MRPL47: variants seen among roughly 807,000 people sequenced by gnomAD.
MRPL47 encodes the protein mitochondrial ribosomal protein L47, also known as large ribosomal subunit protein uL29m.
In MRPL47, 31 loss-of-function variants were observed where a neutral mutation model predicts 34.0. The observed-to-expected ratio is 0.91, with a 90% CI of 0.68 to 1.23. The LOEUF (loss-of-function observed/expected upper bound fraction) is 1.23. MRPL47 is among the 50% of genes most tolerant of loss of function. The pLI is 0.00. For synonymous variants in MRPL47, 106 were observed against 101.6 expected (o/e 1.04, Z -0.26); for missense variants, 328 against 285.8 (o/e 1.15, Z -1.07).
chr3:179,598,667 A>G lies in MRPL47; in HGVS notation c.402+8T>C, dbSNP rs776259242. 25 of 1,587,076 alleles carry G rather than the reference A, an allele frequency of 1.6e-5. No homozygotes were observed. In the East Asian group the frequency reaches 2.0e-4, roughly 13 times the overall value. ...GTATACCAGTCTCCAGCCTCTCCCA[A>G]TCCTTACCTTATCTAACCGCTCTGG... On this transcript the variant is annotated splice_region_variant and intron_variant, in intron 4 of 6. Transcript: ENST00000476781.
rs759059443 is a variant in MRPL47, at chr3:179,592,671, G to T, written c.602C>A (p.Ala201Asp). ...GAGAAAATGGTCCACATAAGGCAAG[G>T]CAAAGAATCGTTTCCTATTGTATCT... Reference protein sequence around the residue: ...NKRYNRKRFFALPYVDHFLRL... With the variant: ...NKRYNRKRFFDLPYVDHFLRL... The change falls in exon 6 of 7, where the codon GCC becomes GAC. Residue 201 changes from alanine (A) to aspartate (D), a missense_variant. Coordinates refer to ENST00000476781, the MANE Select transcript of MRPL47 (RefSeq NM_020409.3). 1 of 1,613,216 alleles carries T rather than the reference G, an allele frequency of 6.2e-7. No homozygotes were observed. The highest frequency in any genetic ancestry group is 8.5e-7 in the Non-Finnish European group (1 of 1,179,236).
At chr3:179,598,396 T>TCACACACACACACACA (rs1718839618) in intron 4 of MRPL47, among the ~76,000 whole-genome samples, 5 of 32,538 alleles carry the variant, frequency 1.5e-4, no homozygotes, top group Admixed American at 3.3e-4. Flanking sequence ...CCTGACACAC[T>TCACACACACACACACA]GACACACACA....
chr3:179,588,828 CTA>C lies in MRPL47; in HGVS notation c.*42_*43del. 1.9e-6 allele frequency: 3 copies of C among 1,587,814 alleles called. No homozygotes were observed. Among genetic ancestry groups the C allele is most frequent in the Non-Finnish European group, 2.6e-6 (3 of 1,164,032 alleles). On this transcript the variant is annotated 3_prime_UTR_variant, in exon 7 of 7. Coordinates refer to ENST00000476781, the MANE Select transcript of MRPL47 (RefSeq NM_020409.3). ...TAACATATTTACTCCTGTACACAGA[CTA>C]TTCAAGAAAAACAAAATGGTAAATT...
At chr3:179,598,646 A>T in intron 4 of MRPL47, 29 bp downstream of exon 4, 1 of 1,323,548 alleles carries the variant, frequency 7.6e-7, no homozygotes, top group Non-Finnish European at 1.1e-6. Context: ...AATCATGTAT[A>T]CCAGTCTCCA....
chr3:179,602,906 A>C, intron 1 of MRPL47, 109 bp from the exon 2 acceptor site: 1 of 929,304 alleles, frequency 1.1e-6, no homozygotes, highest in South Asian at 1.6e-5. Flanking sequence ...TAACATTTTA[A>C]AAAGCTACTC....
chr3:179,591,840 T>C (rs542001514), intron 6 of MRPL47, among the ~76,000 whole-genome samples: 1 of 152,322 alleles, frequency 6.6e-6, no homozygotes, highest in African/African-American at 2.4e-5. Flanking sequence ...TCTTTTTTTT[T>C]TCTGTTTTTT....
intron 4 of MRPL47, among the ~76,000 whole-genome samples, chr3:179,597,476 T>C (rs1426631422): frequency 6.6e-6 from 1 of 152,164 alleles, no homozygotes; most frequent in Non-Finnish European, 1.5e-5. Context: ...AAAGGGTTGA[T>C]CTTGAAAGCA....
At chr3:179,592,351 T>C (rs1718692892) in intron 6 of MRPL47, among the ~76,000 whole-genome samples, 1 of 152,016 alleles carries the variant, frequency 6.6e-6, no homozygotes, top group Non-Finnish European at 1.5e-5. Context: ...CCCACCACCA[T>C]GTCCGTCTAA....
intron 6 of MRPL47, among the ~76,000 whole-genome samples, chr3:179,590,083 C>G (rs1405271908): frequency 6.6e-6 from 1 of 152,186 alleles, no homozygotes; most frequent in East Asian, 1.9e-4. Context: ...TGGCTCACGC[C>G]TGTAATCCCA....
At chr3:179,594,987 G>C (rs984960179) in intron 4 of MRPL47, among the ~76,000 whole-genome samples, 12 of 152,146 alleles carry the variant, frequency 7.9e-5, no homozygotes, top group African/African-American at 2.9e-4. Flanking sequence ...CCCCCAGGTA[G>C]CTATGAGATC....
chr3:179,590,758 A>T (rs1343258194), intron 6 of MRPL47, among the ~76,000 whole-genome samples: 2 of 152,108 alleles, frequency 1.3e-5, no homozygotes, highest in Non-Finnish European at 1.5e-5. Context: ...ATTGGACTGG[A>T]GTCAAGAAGT....
At chr3:179,591,450 T>A (rs1560017632) in intron 6 of MRPL47, among the ~76,000 whole-genome samples, 1 of 151,734 alleles carries the variant, frequency 6.6e-6, no homozygotes, top group Non-Finnish European at 1.5e-5. Flanking sequence ...AATAGCTCTT[T>A]AAAAAAAAAT....
intron 5 of MRPL47, 135 bp from the exon 6 acceptor site, chr3:179,592,874 T>C: frequency 1.6e-6 from 1 of 622,846 alleles, no homozygotes; most frequent in Non-Finnish European, 2.8e-6. Context: ...AGTGAGATGC[T>C]TTGGCAATTT....
intron 1 of MRPL47, among the ~76,000 whole-genome samples, chr3:179,603,503 C>T (rs182700665): frequency 6.6e-6 from 1 of 152,262 alleles, no homozygotes; most frequent in African/African-American, 2.4e-5. Flanking sequence ...CACACCATTG[C>T]ACTCCAGCCT....
intron 3 of MRPL47, among the ~76,000 whole-genome samples, chr3:179,600,120 C>CAA (rs550421747): frequency 1.1e-5 from 1 of 90,366 alleles, no homozygotes; most frequent in African/African-American, 4.2e-5. Context: ...GACTTTGTCT[C>CAA]AAAAAAAAAA....
chr3:179,597,751 C>G (rs1371027653), intron 4 of MRPL47, among the ~76,000 whole-genome samples: 2 of 151,782 alleles, frequency 1.3e-5, no homozygotes, highest in Admixed American at 1.3e-4. Flanking sequence ...GAGGTTGCAG[C>G]AAGCCGAGAC....
chr3:179,599,899 G>A (rs1169679933), intron 3 of MRPL47, among the ~76,000 whole-genome samples: 2 of 152,192 alleles, frequency 1.3e-5, no homozygotes, highest in African/African-American at 4.8e-5. Flanking sequence ...GCCGAGGCAG[G>A]TGGATCACTT....
chr3:179,590,005 G>A (rs1329376359), intron 6 of MRPL47, among the ~76,000 whole-genome samples: 2 of 152,164 alleles, frequency 1.3e-5, no homozygotes, highest in Non-Finnish European at 2.9e-5. Context: ...TATAAAACCT[G>A]TAAAAGTGAT....
At chr3:179,598,480 C>T (rs1222277152) in intron 4 of MRPL47, among the ~76,000 whole-genome samples, 195 bp downstream of exon 4, 1 of 149,390 alleles carries the variant, frequency 6.7e-6, no homozygotes, top group Non-Finnish European at 1.5e-5. Flanking sequence ...GGAATGACTG[C>T]AGGTGAGTAT....
Sources: gnomAD v4.1 joint callset for allele counts (sites outside exome capture counted in the v4.1 genomes callset) on GRCh38, gnomAD v4.1.1 for gene constraint, MANE v1.5 for transcripts, NCBI Gene and HGNC (gene_info 2026-07-23, HGNC 2026-07-21) for gene names.